The following MYO1E variants were observed in gnomAD, a reference collection of about 807,000 sequenced individuals.
The protein encoded by MYO1E is unconventional myosin-Ie.
A neutral mutation model predicts 151.1 loss-of-function variants in MYO1E; 68 were observed. The observed-to-expected ratio is 0.45, with a 90% CI of 0.37 to 0.55. The LOEUF is 0.55. MYO1E is among the 20% of genes least tolerant of loss of function. The probability of loss-of-function intolerance (pLI) is 0.00; values close to 1 mark genes in which losing one functional copy is unlikely to be tolerated. For missense variants in MYO1E, 1,363 were observed against 1,389.3 expected (o/e 0.98, Z 0.30); for synonymous variants, 601 against 501.7 (o/e 1.20, Z -2.64).
rs565008797 is a variant in MYO1E, at chr15:59,214,249, T to G, written c.1254A>C (p.Glu418Asp). 1.2e-6 allele frequency: 2 copies of G among 1,613,066 alleles called. No individual in the cohort carries two copies. Among genetic ancestry groups the G allele is most frequent in the Admixed American group, 3.3e-5 (2 of 59,984 alleles). The part of the protein sequence containing the change: ...VNEKLQQIFI[E>D]LTLKAEQEEY... ...TTACCTGTTCTGCCTTTAATGTCAGTTCAATAAAAATCTGCTGCAGTTTTT... is the reference window on the plus strand; with the variant it reads ...TTACCTGTTCTGCCTTTAATGTCAGGTCAATAAAAATCTGCTGCAGTTTTT... Residue 418 changes from glutamate (E) to aspartate (D), a missense_variant, in exon 12 of 28, where the codon GAA (glutamate) becomes GAC (aspartate). Physicochemically the swap from Glu to Asp is conservative, Grantham distance 45. Transcript: ENST00000288235.
chr15:59,236,239 A>C (rs1384362781), intron 5 of MYO1E, among the ~76,000 whole-genome samples: 2 of 151,736 alleles, frequency 1.3e-5, no homozygotes, highest in Admixed American at 1.3e-4. Context: ...GCTACTCAGG[A>C]GGCTGAGGCA....
chr15:59,203,273 G>A (rs1355228454), intron 15 of MYO1E, among the ~76,000 whole-genome samples: 1 of 151,570 alleles, frequency 6.6e-6, no homozygotes, highest in Non-Finnish European at 1.5e-5. Context: ...GATGCCAGTA[G>A]CACACTGTTC....
At chr15:59,257,298 C>T (rs1200031195) in intron 3 of MYO1E, among the ~76,000 whole-genome samples, 4 of 151,928 alleles carry the variant, frequency 2.6e-5, no homozygotes, top group Non-Finnish European at 5.9e-5. Context: ...GTCTAGTCTC[C>T]ACACACACAC....
rs546556996 is a variant in MYO1E, at chr15:59,372,595, C to G, written c.-95G>C. ...TCTGGGCGAACTTCAAAAGTTGGTT[C>G]CCCTCGCCAAAAACAGGCTCCCGAC... On this transcript the variant is annotated 5_prime_UTR_variant, in exon 1 of 28. Coordinates refer to ENST00000288235, the MANE Select transcript of MYO1E (RefSeq NM_004998.4). 3.4e-6 allele frequency: 5 copies of G among 1,476,494 alleles called. No homozygotes were observed. Among genetic ancestry groups the G allele is most frequent in the Admixed American group, 4.2e-5 (2 of 47,576 alleles). The allele number at this position is 1,476,494 out of a possible 1,614,324, so 91.5% of individuals were successfully genotyped here.
intron 1 of MYO1E, among the ~76,000 whole-genome samples, chr15:59,331,642 G>A (rs1162840027): frequency 6.6e-6 from 1 of 152,124 alleles, no homozygotes; most frequent in Non-Finnish European, 1.5e-5. Context: ...TACTAAGATG[G>A]AAAGAAATGA....
chr15:59,343,689 CT>C (rs1419317967), intron 1 of MYO1E, among the ~76,000 whole-genome samples: 73 of 152,046 alleles, frequency 4.8e-4, no homozygotes, highest in African/African-American at 1.7e-3. Context: ...GGGCTTCATT[CT>C]TTTTTATTCT....
chr15:59,140,751 G>A (rs1318496435), intron 26 of MYO1E, among the ~76,000 whole-genome samples: 1 of 152,188 alleles, frequency 6.6e-6, no homozygotes, highest in Non-Finnish European at 1.5e-5. Context: ...TGGCTGGGGG[G>A]AACACTGACT....
At chr15:59,236,369 T>TACACACAC (rs56164138) in intron 5 of MYO1E, among the ~76,000 whole-genome samples, 15 of 117,718 alleles carry the variant, frequency 1.3e-4, no homozygotes, top group African/African-American at 3.9e-4. Context: ...AAAAAATATA[T>TACACACAC]ACACACACAC....
intron 14 of MYO1E, chr15:59,208,473 T>C (rs1298549996): frequency 6.2e-6 from 4 of 642,486 alleles, no homozygotes; most frequent in South Asian, 2.0e-5. Flanking sequence ...AAAAAAGTAG[T>C]AGCTTCTTCT....
At position 59,158,278 on chromosome 15, in the gene MYO1E, C is replaced by G; in HGVS notation, c.2878+9G>C. The G allele has an allele frequency of 6.4e-7, 1 of 1,554,094 alleles. No individual in the cohort carries two copies. The highest frequency in any genetic ancestry group is 1.9e-5 in the Admixed American group (1 of 53,676). ...AGTGGTCCCAGACTACGGTACGTAG[C>G]TGGCTTACCTGGGGGAGGAGGGGCA... On this transcript the variant is annotated intron_variant, in intron 25 of 27. Transcript: ENST00000288235.
At chr15:59,210,298 C>T (rs7173371) in intron 13 of MYO1E, among the ~76,000 whole-genome samples, 4 of 151,908 alleles carry the variant, frequency 2.6e-5, no homozygotes, top group Non-Finnish European at 5.9e-5. Context: ...TCCATTTGTA[C>T]ATTGACATTT....
intron 6 of MYO1E, among the ~76,000 whole-genome samples, chr15:59,228,611 C>G (rs1197140365): frequency 6.6e-6 from 1 of 151,874 alleles, no homozygotes; most frequent in African/African-American, 2.4e-5. Flanking sequence ...TAAGCACCCT[C>G]AGAGGCCAGA....
chr15:59,346,960 A>G (rs2140432526), intron 1 of MYO1E, among the ~76,000 whole-genome samples: 1 of 152,194 alleles, frequency 6.6e-6, no homozygotes, highest in African/African-American at 2.4e-5. Context: ...GTGTAAAGAA[A>G]AGCATAAAGA....
At chr15:59,233,466 C>T (rs977111595) in intron 5 of MYO1E, among the ~76,000 whole-genome samples, 1 of 151,954 alleles carries the variant, frequency 6.6e-6, no homozygotes, top group Non-Finnish European at 1.5e-5. Context: ...CAGATCAAGA[C>T]CATCCTGGCC....
chr15:59,313,559 A>G (rs981435954), intron 1 of MYO1E, among the ~76,000 whole-genome samples: 3 of 130,358 alleles, frequency 2.3e-5, no homozygotes, highest in Non-Finnish European at 4.6e-5. Context: ...ATGTTCTCCT[A>G]TCTCCTATGC....
chr15:59,231,361 T>C (rs1443232156), intron 6 of MYO1E, among the ~76,000 whole-genome samples: 2 of 152,214 alleles, frequency 1.3e-5, no homozygotes, highest in Admixed American at 6.5e-5. Context: ...GATACCCCTC[T>C]ACTCTAGTTA....
rs1036758711 is a variant in MYO1E at position 59,132,681 on chromosome 15, T to C, written c.*4699A>G. 8.5e-5 allele frequency: 13 copies of C among 152,116 alleles called. No homozygotes were observed. Among genetic ancestry groups the C allele is most frequent in the African/African-American group, 3.1e-4 (13 of 41,428 alleles). The allele number at this position is 152,116 out of a possible 1,614,324, so 9.4% of individuals were successfully genotyped here. On this transcript the variant is annotated 3_prime_UTR_variant, in exon 28 of 28. Coordinates refer to ENST00000288235, the MANE Select transcript of MYO1E (RefSeq NM_004998.4). ...AGCACTAACTCTGAACGTGGGTGCT[T>C]TGGGTTTGATTTTAAGTAGTGGTGA...
At chr15:59,185,308 C>T (rs1258938149) in intron 18 of MYO1E, among the ~76,000 whole-genome samples, 1 of 152,106 alleles carries the variant, frequency 6.6e-6, no homozygotes, top group African/African-American at 2.4e-5. Flanking sequence ...CACTCTGTCG[C>T]CCAGGCTGGA....
intron 1 of MYO1E, among the ~76,000 whole-genome samples, chr15:59,303,158 T>G (rs1596408111): frequency 6.6e-6 from 1 of 152,190 alleles, no homozygotes; most frequent in Non-Finnish European, 1.5e-5. Flanking sequence ...AAGTCTAAAT[T>G]TGATTGTTAG....
Sources: allele counts gnomAD v4.1 joint callset (sites outside exome capture counted in the v4.1 genomes callset), GRCh38; gene constraint gnomAD v4.1.1; transcripts MANE v1.5; gene names NCBI Gene and HGNC (gene_info 2026-07-23, HGNC 2026-07-21).